SCIN: variants seen among roughly 807,000 people sequenced by gnomAD.
SCIN encodes scinderin, also known as adseverin.
Under a neutral mutation model 91.8 loss-of-function variants are expected in SCIN, and 91 were observed. The observed-to-expected ratio is 0.99, with a 90% CI of 0.84 to 1.18. SCIN has a LOEUF of 1.18. Ranked by LOEUF, SCIN falls within the 50% of genes most tolerant of loss-of-function variation. The pLI is 0.00. For synonymous variants in SCIN, 367 were observed against 312.6 expected (o/e 1.17, Z -1.84); for missense variants, 1,087 against 863.9 (o/e 1.26, Z -3.24).
At chr7:12,615,292 A>G (rs1299044244) in intron 4 of SCIN, among the ~76,000 whole-genome samples, 2 of 152,034 alleles carry the variant, frequency 1.3e-5, no homozygotes, top group African/African-American at 4.8e-5. Context: ...TGTAATCCCC[A>G]CACATCAAGG....
chr7:12,606,804 T>TA (rs781057395), intron 4 of SCIN, among the ~76,000 whole-genome samples: 1 of 152,202 alleles, frequency 6.6e-6, no homozygotes, highest in Non-Finnish European at 1.5e-5. Context: ...AAAGTCCATT[T>TA]AAAAAATTAA....
At chr7:12,580,591 C>T (rs557398999) in intron 2 of SCIN, among the ~76,000 whole-genome samples, 1 of 152,212 alleles carries the variant, frequency 6.6e-6, no homozygotes, top group Non-Finnish European at 1.5e-5. Context: ...ACAACCATCT[C>T]TGTCCCAACC....
intron 4 of SCIN, among the ~76,000 whole-genome samples, chr7:12,608,958 T>C (rs1054067050): frequency 6.6e-6 from 1 of 152,236 alleles, no homozygotes; most frequent in Non-Finnish European, 1.5e-5. Context: ...TGAACTTGTC[T>C]AACACATTAA....
intron 3 of SCIN, among the ~76,000 whole-genome samples, chr7:12,583,555 G>A (rs1459147808): frequency 1.3e-5 from 2 of 152,146 alleles, no homozygotes; most frequent in African/African-American, 4.8e-5. Flanking sequence ...GTAATAGAAT[G>A]CCTTGTGACA....
At chr7:12,600,563 A>G (rs1351768546) in intron 3 of SCIN, among the ~76,000 whole-genome samples, 1 of 152,258 alleles carries the variant, frequency 6.6e-6, no homozygotes, top group Non-Finnish European at 1.5e-5. Context: ...TATAGGGTCA[A>G]TGTTTTTCTG....
chr7:12,582,979 G>T (rs2115214647), intron 3 of SCIN, among the ~76,000 whole-genome samples: 1 of 152,114 alleles, frequency 6.6e-6, no homozygotes, highest in Middle Eastern at 3.4e-3. Flanking sequence ...TCTCATTCCA[G>T]TTGCTGTACT....
chr7:12,570,982 C>T lies in SCIN; in HGVS notation c.196C>T (p.Leu66Phe), dbSNP rs1401796625. The change falls in exon 1 of 16, where the codon CTC (leucine) becomes TTC (phenylalanine). Residue 66 changes from leucine to phenylalanine, a missense_variant. Transcript: ENST00000297029. ...CTTCACCTACCACCTGCACTTCTGG[C>T]TCGGTAAGGGACGGCGGGCGGCGGG... ...RGFTYHLHFW[L>F]GKECSQDEST... is the part of the protein sequence containing the mutation. 1 of 1,549,504 alleles carries T rather than the reference C, an allele frequency of 6.5e-7. No individual in the cohort carries two copies. Among genetic ancestry groups the T allele is most frequent in the African/African-American group, 1.4e-5 (1 of 73,014 alleles).
chr7:12,595,003 G>A (rs950991435), intron 3 of SCIN, among the ~76,000 whole-genome samples: 4 of 152,082 alleles, frequency 2.6e-5, no homozygotes, highest in African/African-American at 4.8e-5. Flanking sequence ...TAGCAGGTTC[G>A]GGAAGGGGAG....
chr7:12,639,618 A>G (rs1285667640), intron 10 of SCIN, among the ~76,000 whole-genome samples: 1 of 152,218 alleles, frequency 6.6e-6, no homozygotes, highest in Non-Finnish European at 1.5e-5. Flanking sequence ...GGGCTAATAA[A>G]TAAAATCAAG....
intron 13 of SCIN, among the ~76,000 whole-genome samples, chr7:12,646,027 T>G (rs367557185): frequency 1.6e-4 from 25 of 152,202 alleles, no homozygotes; most frequent in African/African-American, 5.5e-4. Flanking sequence ...CCATATTGAC[T>G]GAATTAAAAA....
At chr7:12,588,613 A>G (rs932625166) in intron 3 of SCIN, among the ~76,000 whole-genome samples, 1 of 151,940 alleles carries the variant, frequency 6.6e-6, no homozygotes, top group African/African-American at 2.4e-5. Context: ...TAACCTTACC[A>G]CATATCATCT....
In SCIN at chr7:12,580,323, A is replaced by T. The variant is rs1041847999; in HGVS notation, c.355-737A>T. Among the ~76,000 whole-genome samples the T allele has an allele frequency of 4.6e-5, 7 of 152,204 alleles. No individual in the cohort carries two copies. The East Asian group carries it at 1.3e-3, about 29-fold the overall frequency. On this transcript the variant is annotated intron_variant, in intron 2 of 15. Coordinates refer to ENST00000297029, the MANE Select transcript of SCIN (RefSeq NM_001112706.3). ...GAAAAGGTAAAAGATCATTGCAAATAATATAAGAAGATGTAGTTGATACAG... is the reference window on the plus strand; with the variant it reads ...GAAAAGGTAAAAGATCATTGCAAATTATATAAGAAGATGTAGTTGATACAG...
intron 3 of SCIN, among the ~76,000 whole-genome samples, chr7:12,584,254 A>G (rs929549547): frequency 6.6e-6 from 1 of 152,178 alleles, no homozygotes; most frequent in Non-Finnish European, 1.5e-5. Flanking sequence ...TCCAAAGACA[A>G]CCTTCTGCAT....
Position 12,654,142 on chromosome 7 carries a change from A to C in SCIN, c.*1427A>C, listed in dbSNP as rs1340028950. 6.6e-6 allele frequency: 1 copy of C among 152,200 alleles called. No individual in the cohort carries two copies. Among genetic ancestry groups the C allele is most frequent in the Non-Finnish European group, 1.5e-5 (1 of 68,024 alleles). The allele number at this position is 152,200 out of a possible 1,614,324, so 9.4% of individuals were successfully genotyped here. On this transcript the variant is annotated 3_prime_UTR_variant, in exon 16 of 16. Coordinates refer to ENST00000297029, the MANE Select transcript of SCIN (RefSeq NM_001112706.3). Reference sequence around the variant, plus strand: ...CTAAAGGATGAACAATGTAGGGTCCAACAATTCATCCCACATGAATTTTTC... The same window carrying C: ...CTAAAGGATGAACAATGTAGGGTCCCACAATTCATCCCACATGAATTTTTC...
chr7:12,577,055 C>A (rs1362312772), intron 1 of SCIN, among the ~76,000 whole-genome samples: 1 of 152,060 alleles, frequency 6.6e-6, no homozygotes, highest in Admixed American at 6.6e-5. Flanking sequence ...ATTGTTTTGA[C>A]CTTAGTGAAG....
intron 3 of SCIN, among the ~76,000 whole-genome samples, chr7:12,581,907 T>G (rs184630123): frequency 6.6e-6 from 1 of 152,188 alleles, no homozygotes; most frequent in Non-Finnish European, 1.5e-5. Flanking sequence ...GTGAAGTTTT[T>G]ATAATAGAAA....
intron 13 of SCIN, among the ~76,000 whole-genome samples, 160 bp downstream of exon 13, chr7:12,644,865 T>G (rs1399088671): frequency 6.7e-6 from 1 of 149,958 alleles, no homozygotes; most frequent in Non-Finnish European, 1.5e-5. Context: ...AATATAAAAA[T>G]TAGCTGGATG....
Position 12,656,065 on chromosome 7 carries a change from T to G in SCIN, c.*3350T>G, listed in dbSNP as rs4721126. 1 of 152,004 alleles carries G rather than the reference T, an allele frequency of 6.6e-6. No homozygotes were observed. Among genetic ancestry groups the G allele is most frequent in the Non-Finnish European group, 1.5e-5 (1 of 68,004 alleles). 9.4% of individuals were successfully genotyped at this position (152,004 alleles called of 1,614,324 possible). ...CTCAAGCACAATCCTCAGTGTTCTC[T>G]TCTCGTCTTAGATAGCTCATCAAAT... On this transcript the variant is annotated 3_prime_UTR_variant, in exon 16 of 16. Coordinates refer to ENST00000297029, the MANE Select transcript of SCIN (RefSeq NM_001112706.3).
intron 10 of SCIN, among the ~76,000 whole-genome samples, chr7:12,637,697 G>A (rs1031750686): frequency 3.3e-5 from 5 of 151,828 alleles, no homozygotes; most frequent in African/African-American, 9.7e-5. Context: ...TTGAGAGGGA[G>A]GAGAGATGTA....
Sources: gnomAD v4.1 joint callset for allele counts (sites outside exome capture counted in the v4.1 genomes callset) on GRCh38, gnomAD v4.1.1 for gene constraint, MANE v1.5 for transcripts, NCBI Gene and HGNC (gene_info 2026-07-23, HGNC 2026-07-21) for gene names.